Variants in TET2 observed in about 807,000 individuals in gnomAD.
TET2 encodes methylcytosine dioxygenase TET2.
In TET2, 299 loss-of-function variants were observed where a neutral mutation model predicts 142.9. The ratio of observed to expected loss-of-function variants is 2.09; its 90% CI spans 1.90 to 2.30. The LOEUF (loss-of-function observed/expected upper bound fraction) is 2.30, where lower values mean the gene tolerates loss of function less well. TET2 is among the 30% of genes most tolerant of loss of function. The pLI is 0.00. For missense variants in TET2, 2,418 were observed against 2,378.0 expected (o/e 1.02, Z -0.35); for synonymous variants, 819 against 849.0 (o/e 0.96, Z 0.61).
intron 1 of TET2, chr4:105,172,288 A>C (rs1024844553): frequency 1.3e-5 from 2 of 152,248 alleles, no homozygotes; most frequent in African/African-American, 4.8e-5. Flanking sequence ...GGCCCTGCTG[A>C]TAACACACAC....
intron 2 of TET2, among the ~76,000 whole-genome samples, chr4:105,224,161 A>G (rs1578651318): frequency 6.6e-6 from 1 of 152,102 alleles, no homozygotes; most frequent in South Asian, 2.1e-4. Context: ...CCCACCTAGA[A>G]AAGCAATAAA....
At chr4:105,222,648 T>C (rs1242095634) in intron 2 of TET2, among the ~76,000 whole-genome samples, 1 of 152,198 alleles carries the variant, frequency 6.6e-6, no homozygotes, top group Non-Finnish European at 1.5e-5. Context: ...GCGAAAATTT[T>C]CTGCCATTTT....
chr4:105,249,671 T>C (rs1729768052), intron 6 of TET2, among the ~76,000 whole-genome samples: 1 of 152,244 alleles, frequency 6.6e-6, no homozygotes, highest in Admixed American at 6.5e-5. Flanking sequence ...GATTTTGATT[T>C]GCATTTTCCT....
chr4:105,193,378 C>A (rs1725900770), intron 2 of TET2, among the ~76,000 whole-genome samples: 2 of 151,954 alleles, frequency 1.3e-5, no homozygotes, highest in African/African-American at 2.4e-5. Context: ...CAGGGTAAGG[C>A]CAAATTTAGT....
chr4:105,229,072 A>G (rs924797038), intron 2 of TET2, among the ~76,000 whole-genome samples: 8 of 152,240 alleles, frequency 5.3e-5, no homozygotes, highest in African/African-American at 1.9e-4. Flanking sequence ...ATAGTTCAAC[A>G]TGTATTAAAT....
chr4:105,170,808 A>T (rs557511566), intron 1 of TET2, among the ~76,000 whole-genome samples: 2 of 152,318 alleles, frequency 1.3e-5, no homozygotes, highest in East Asian at 1.9e-4. Context: ...CTCAAAATAT[A>T]AACATGATGT....
chr4:105,146,602 G>A, upstream of TET2: 1 of 153,420 alleles, frequency 6.5e-6, no homozygotes, highest in Non-Finnish European at 1.5e-5. Flanking sequence ...GCCCCAGGGC[G>A]GCGGCGCAGG....
At chr4:105,177,136 A>C (rs1213896317) in intron 1 of TET2, among the ~76,000 whole-genome samples, 2 of 152,254 alleles carry the variant, frequency 1.3e-5, no homozygotes, top group Non-Finnish European at 2.9e-5. Flanking sequence ...ATTAACTTGA[A>C]TCATAGACCT....
rs775336089 is a variant in TET2, at chr4:105,243,516, G to A, written c.3595-54G>A. 395 of 1,504,908 alleles carry A rather than the reference G, an allele frequency of 2.6e-4. 1 individual carries two copies. Among genetic ancestry groups the A allele is most frequent in the Non-Finnish European group, 3.1e-4 (347 of 1,105,154 alleles). 93.2% of individuals were successfully genotyped at this position (1,504,908 alleles called of 1,614,324 possible). On this transcript the variant is annotated intron_variant, in intron 5 of 10. Coordinates refer to ENST00000380013, the MANE Select transcript of TET2 (RefSeq NM_001127208.3). ...CCCTTATCTGCTGCAAGTGACCCTT[G>A]TTTTGTTTTGGTTGGGGTGGGGGGT...
rs527912625 is a variant in TET2 at position 105,265,162 on chromosome 4, T to G, written c.4044+3314T>G. On this transcript the variant is annotated intron_variant, in intron 8 of 10. Transcript: ENST00000380013. Reference sequence around the variant, plus strand: ...TGAAGATGACATTTTAGACAAATGCTTCTAAGAGAGCTTTCTATGAAGATG... The same window carrying G: ...TGAAGATGACATTTTAGACAAATGCGTCTAAGAGAGCTTTCTATGAAGATG... Among the ~76,000 whole-genome samples the G allele has an allele frequency of 9.8e-4, 150 of 152,334 alleles. 4 individuals are homozygous for G. Among genetic ancestry groups the G allele is most frequent in the South Asian group, 1.0e-3 (5 of 4,830 alleles).
In TET2 at chr4:105,275,587, T is replaced by C; in HGVS notation, c.5077T>C (p.Tyr1693His). Residue 1693 changes from tyrosine (Y) to histidine (H), a missense_variant, in exon 11 of 11, where the codon TAC becomes CAC. Tyr to His is a moderately conservative substitution (Grantham distance 83, BLOSUM62 2). Coordinates refer to ENST00000380013, the MANE Select transcript of TET2 (RefSeq NM_001127208.3). ...AAATAGCCAGAGTTTTACATCTAAA[T>C]ACTTAGGTTATGGAAACCAAAATAT... ...FGNSQSFTSKYLGYGNQNMQG... is the reference protein window; with the variant it reads ...FGNSQSFTSKHLGYGNQNMQG... 6.4e-7 allele frequency: 1 copy of C among 1,551,738 alleles called. No individual in the cohort carries two copies. The highest frequency in any genetic ancestry group is 1.4e-5 in the African/African-American group (1 of 73,148).
intron 1 of TET2, among the ~76,000 whole-genome samples, chr4:105,174,581 G>T (rs1724670622): frequency 6.6e-6 from 1 of 152,154 alleles, no homozygotes; most frequent in Non-Finnish European, 1.5e-5. Flanking sequence ...GAAAATTTTT[G>T]TGGGAACCGG....
intron 8 of TET2, among the ~76,000 whole-genome samples, chr4:105,267,539 T>TAAAAAAAAAAAAAAAA (rs35668673): frequency 7.8e-6 from 1 of 127,622 alleles, no homozygotes. Context: ...CTTAAACCAC[T>TAAAAAAAAAAAAAAAA]AAAAAAAAAA....
chr4:105,261,478 C>A (rs951706554), intron 7 of TET2, among the ~76,000 whole-genome samples: 29 of 151,968 alleles, frequency 1.9e-4, no homozygotes, highest in African/African-American at 7.0e-4. Context: ...CGGCTTAATT[C>A]CCCTAACCCT....
At chr4:105,197,181 G>A (rs1726144653) in intron 2 of TET2, among the ~76,000 whole-genome samples, 1 of 152,066 alleles carries the variant, frequency 6.6e-6, no homozygotes, top group Non-Finnish European at 1.5e-5. Context: ...AGATTTGTGA[G>A]GTTTTAGCTA....
Position 105,276,294 on chromosome 4 carries a change from A to G in TET2, c.5784A>G (p.Lys1928=). Residue 1928 remains lysine, a synonymous_variant, in exon 11 of 11, where the codon AAA becomes AAG. Coordinates refer to ENST00000380013, the MANE Select transcript of TET2 (RefSeq NM_001127208.3). ...AAATGGCTGAAAAAGCCCGTGAGAA[A>G]GAGGAAGAGTGTGAAAAGTATGGCC... ...EAKMAEKARE[K]EEECEKYGPD... The G allele has an allele frequency of 1.3e-6, 2 of 1,551,706 alleles. No individual in the cohort carries two copies. The highest frequency in any genetic ancestry group is 1.7e-6 in the Non-Finnish European group (2 of 1,146,966).
chr4:105,184,006 C>A lies in TET2; in HGVS notation c.-192-6354C>A, dbSNP rs562179910. On this transcript the variant is annotated intron_variant, in intron 1 of 10. Transcript: ENST00000380013. ...TTTAGTGGATGAAAAATAAACCATA[C>A]CCTTAAGAGGCTTTTCAAAGTTAAG... 2.6e-5 allele frequency among the ~76,000 whole-genome samples: 4 copies of A among 152,188 alleles called. No homozygotes were observed. The South Asian group carries it at 6.2e-4, about 24-fold the overall frequency.
intron 1 of TET2, among the ~76,000 whole-genome samples, chr4:105,180,663 A>G (rs1725067241): frequency 6.7e-6 from 1 of 149,606 alleles, no homozygotes; most frequent in African/African-American, 2.5e-5. Context: ...TTTCTTGGAG[A>G]CAGTCTCACT....
chr4:105,208,698 G>A (rs930309285), intron 2 of TET2, among the ~76,000 whole-genome samples: 6 of 152,096 alleles, frequency 3.9e-5, no homozygotes, highest in African/African-American at 2.4e-5. Context: ...TAAAGGCACA[G>A]TGGTGAGTAG....
Sources: allele counts gnomAD v4.1 joint callset (sites outside exome capture counted in the v4.1 genomes callset), GRCh38; gene constraint gnomAD v4.1.1; transcripts MANE v1.5; gene names NCBI Gene and HGNC (gene_info 2026-07-23, HGNC 2026-07-21).